The following TP53I11 variants were observed in gnomAD, a reference collection of about 807,000 sequenced individuals.
TP53I11 encodes the protein tumor protein p53-inducible protein 11.
Under a neutral mutation model 23.3 loss-of-function variants are expected in TP53I11, and 9 were observed. That is an observed-to-expected ratio of 0.39 (90% CI 0.23 to 0.67). The LOEUF is 0.67. Among genes scored for constraint, TP53I11 ranks in the 30% least tolerant of loss-of-function variants. The pLI is 0.48. For missense variants in TP53I11, 170 were observed against 255.2 expected (o/e 0.67, Z 2.27); for synonymous variants, 100 against 106.1 (o/e 0.94, Z 0.35).
intron 1 of TP53I11, among the ~76,000 whole-genome samples, chr11:44,948,026 C>T (rs1231762161): frequency 6.6e-6 from 1 of 152,114 alleles, no homozygotes; most frequent in Non-Finnish European, 1.5e-5. Context: ...TCAGAAGGGA[C>T]TGGTCATAGG....
At chr11:44,942,812 G>A (rs1265861834) in intron 1 of TP53I11, among the ~76,000 whole-genome samples, 2 of 152,180 alleles carry the variant, frequency 1.3e-5, no homozygotes, top group South Asian at 2.1e-4. Context: ...TGAGAACGGC[G>A]CTCCACCCCT....
Position 44,937,340 on chromosome 11 carries a change from G to C in TP53I11, c.201C>G (p.Phe67Leu), listed in dbSNP as rs4573667. Residue 67 changes from phenylalanine to leucine, a missense_variant, in exon 4 of 7, where the codon TTC (phenylalanine) becomes TTG (leucine). Coordinates refer to ENST00000525680, the MANE Select transcript of TP53I11 (RefSeq NM_006034.5). Reference sequence around the variant, plus strand: ...TGCCGGAGAAGAGCACAGCAGAGACGAACTGCCAGACCCTGGGAGGCGTGG... The same window carrying C: ...TGCCGGAGAAGAGCACAGCAGAGACCAACTGCCAGACCCTGGGAGGCGTGG... ...REPLGLRVWQFVSAVLFSGIA... is the reference protein window; with the variant it reads ...REPLGLRVWQLVSAVLFSGIA... The C allele has an allele frequency of 6.7e-7, 1 of 1,484,196 alleles. No individual in the cohort carries two copies. The highest frequency in any genetic ancestry group is 9.0e-7 in the Non-Finnish European group (1 of 1,116,038). 91.9% of individuals were successfully genotyped at this position (1,484,196 alleles called of 1,614,324 possible).
At chr11:44,935,461 A>T (rs1352795782) in intron 6 of TP53I11, 100 bp downstream of exon 6, 2 of 1,085,766 alleles carry the variant, frequency 1.8e-6, no homozygotes, top group African/African-American at 1.6e-5. Flanking sequence ...CCCCCCACAG[A>T]CAGGTTTTCA....
At position 44,938,344 on chromosome 11, in the gene TP53I11, C is replaced by T. The variant is rs1220643688; in HGVS notation, c.-9G>A. On this transcript the variant is annotated 5_prime_UTR_variant, in exon 2 of 7. Coordinates refer to ENST00000525680, the MANE Select transcript of TP53I11 (RefSeq NM_006034.5). ...GGCTGCTTGGCCGCCATCTTCTCCT[C>T]CAGCCCGGCCTCTGCAGAAGGGCTG... The T allele has an allele frequency of 1.3e-6, 2 of 1,589,344 alleles. No homozygotes were observed. The highest frequency in any genetic ancestry group is 1.1e-5 in the South Asian group (1 of 87,450).
At chr11:44,939,968 T>C (rs1861595441) in intron 1 of TP53I11, among the ~76,000 whole-genome samples, 1 of 152,208 alleles carries the variant, frequency 6.6e-6, no homozygotes, top group Non-Finnish European at 1.5e-5. Flanking sequence ...CTTCGGTGTG[T>C]GCCAGCCATC....
chr11:44,936,443 G>A lies in TP53I11; in HGVS notation c.334+360C>T, dbSNP rs1222693520. The A allele has an allele frequency of 1.4e-5, 17 of 1,232,614 alleles. No homozygotes were observed. Among genetic ancestry groups the A allele is most frequent in the South Asian group, 4.2e-5 (1 of 23,838 alleles). 76.4% of individuals were successfully genotyped at this position (1,232,614 alleles called of 1,614,324 possible). A position where few individuals can be genotyped will look rare whatever the true frequency, so the allele number is the denominator to read the frequency against. On this transcript the variant is annotated intron_variant, in intron 5 of 6. Transcript: ENST00000525680. This position sits in a 1 kb window ranked among gnomAD's most constrained non-coding sequence, Gnocchi z 4.4. Reference sequence around the variant, plus strand: ...TCTGGGGATAAAATAGGGGGGGTGCGAGGGGTTTTGCAGACACTGAATTGA... The same window carrying A: ...TCTGGGGATAAAATAGGGGGGGTGCAAGGGGTTTTGCAGACACTGAATTGA...
rs1860786772 is a variant in TP53I11, at chr11:44,933,678, C to A, written c.*1206G>T. The A allele has an allele frequency of 6.5e-6, 1 of 152,922 alleles. No homozygotes were observed. The highest frequency in any genetic ancestry group is 2.0e-4 in the South Asian group (1 of 4,984). 9.5% of individuals were successfully genotyped at this position (152,922 alleles called of 1,614,324 possible). ...CAGGGGCTGTTCGGCCCCAAGACAG[C>A]CAGTTGTCAGCCTTTGCCAGGGCGC... On this transcript the variant is annotated 3_prime_UTR_variant, in exon 7 of 7. Transcript: ENST00000525680.
intron 1 of TP53I11, among the ~76,000 whole-genome samples, chr11:44,941,256 G>A (rs1861726192): frequency 6.6e-6 from 1 of 152,168 alleles, no homozygotes; most frequent in African/African-American, 2.4e-5. Context: ...TGATCTGCTA[G>A]CCACTGATTA....
chr11:44,948,108 G>T (rs1862565218), intron 1 of TP53I11, among the ~76,000 whole-genome samples: 1 of 152,106 alleles, frequency 6.6e-6, no homozygotes, highest in Non-Finnish European at 1.5e-5. Context: ...CCCTGGGAGG[G>T]GTCCAGCCAG....
At chr11:44,937,738 C>G (rs1426728350) in intron 2 of TP53I11, 125 bp from the exon 3 acceptor site, 2 of 963,186 alleles carry the variant, frequency 2.1e-6, no homozygotes, top group East Asian at 2.6e-5. Flanking sequence ...GCCAAAGGTT[C>G]CCCCAGGTGG....
intron 1 of TP53I11, among the ~76,000 whole-genome samples, chr11:44,949,106 G>A (rs1433072456): frequency 6.6e-6 from 1 of 152,166 alleles, no homozygotes; most frequent in African/African-American, 2.4e-5. Flanking sequence ...GGAACAAGAC[G>A]ACCCATTTTA....
chr11:44,942,034 C>G (rs12224691), intron 1 of TP53I11, among the ~76,000 whole-genome samples: 590 of 7,402 alleles, frequency 0.08, 6 homozygotes, highest in Middle Eastern at 0.12. Flanking sequence ...CACCACACAC[C>G]ACACACATAC....
At chr11:44,937,035 C>A in intron 4 of TP53I11, 136 bp from the exon 5 acceptor site, 2 of 758,744 alleles carry the variant, frequency 2.6e-6, no homozygotes, top group Non-Finnish European at 4.3e-6. Context: ...GGTCTGGACC[C>A]AATTGTCCCC....
intron 1 of TP53I11, among the ~76,000 whole-genome samples, chr11:44,946,137 C>G (rs367577464): frequency 6.6e-6 from 1 of 152,284 alleles, no homozygotes; most frequent in Admixed American, 6.5e-5. Context: ...ACAAGGCTGT[C>G]CGGGGGCTAG....
chr11:44,947,191 T>C (rs1205420175), intron 1 of TP53I11: 2 of 450,790 alleles, frequency 4.4e-6, no homozygotes, highest in East Asian at 1.4e-4. Flanking sequence ...CTGGGAGGTT[T>C]TTCCTGTCTC....
intron 1 of TP53I11, among the ~76,000 whole-genome samples, chr11:44,941,320 AC>A (rs1242521972): frequency 6.6e-6 from 1 of 152,144 alleles, no homozygotes; most frequent in Non-Finnish European, 1.5e-5. Context: ...TGAAACGAAA[AC>A]AGCCAACCTC....
chr11:44,936,116 C>T lies in TP53I11; in HGVS notation c.335-454G>A, dbSNP rs1861082801. On this transcript the variant is annotated intron_variant, in intron 5 of 6. Coordinates refer to ENST00000525680, the MANE Select transcript of TP53I11 (RefSeq NM_006034.5). The surrounding 1 kb of genome is among the most constrained non-coding windows in gnomAD (Gnocchi z 4.4). ...GGTAAGGACTCGCTTTAAGGAAGTC[C>T]CCTGGGGGAGGGGGATGAACCATAC... is the stretch of plus-strand genomic sequence containing the variant. 1 of 704,322 alleles carries T rather than the reference C, an allele frequency of 1.4e-6. No individual in the cohort carries two copies. The highest frequency in any genetic ancestry group is 5.9e-5 in the South Asian group (1 of 16,964). The allele number at this position is 704,322 out of a possible 1,614,324, so 43.6% of individuals were successfully genotyped here.
intron 1 of TP53I11, among the ~76,000 whole-genome samples, chr11:44,943,347 G>A: frequency 6.6e-6 from 1 of 152,102 alleles, no homozygotes; most frequent in Admixed American, 6.5e-5. Context: ...GCCCCCGGGG[G>A]TTTCCCCCAG....
intron 1 of TP53I11, among the ~76,000 whole-genome samples, chr11:44,944,030 ACT>A (rs1284370761): frequency 6.6e-6 from 1 of 152,022 alleles, no homozygotes; most frequent in Admixed American, 6.5e-5. Flanking sequence ...AAAAGTGGCC[ACT>A]CTCTGTTGGT....
Sources: gnomAD v4.1 joint callset for allele counts (sites outside exome capture counted in the v4.1 genomes callset) on GRCh38, gnomAD v4.1.1 for gene constraint, Gnocchi (gnomAD v3.1) non-coding constraint, MANE v1.5 for transcripts, NCBI Gene and HGNC (gene_info 2026-07-23, HGNC 2026-07-21) for gene names.